CFAP47: variants seen among roughly 807,000 people sequenced by gnomAD.
CFAP47 encodes cilia- and flagella-associated protein 47.
In CFAP47, 29 loss-of-function variants were observed where a neutral mutation model predicts 148.1. The ratio of observed to expected loss-of-function variants is 0.20; its 90% CI spans 0.15 to 0.27. The LOEUF is 0.27. CFAP47 is among the 10% of genes least tolerant of loss of function. CFAP47 has a pLI of 1.00. For missense variants in CFAP47, 1,872 were observed against 1,697.5 expected, an observed-to-expected ratio of 1.10 and a Z score of -1.81; for synonymous variants, 664 against 577.3, an observed-to-expected ratio of 1.15 and a Z score of -2.15.
At chrX:36,181,337 C>A (rs1027894768) in intron 40 of CFAP47, among the ~76,000 whole-genome samples, 1 of 111,103 alleles carries the variant, frequency 9.0e-6, no homozygotes, top group African/African-American at 3.3e-5. Context: ...TCTAAAGCTG[C>A]AAGTAAGGTT....
chrX:36,364,855 T>C (rs903442324), intron 61 of CFAP47, among the ~76,000 whole-genome samples: 20 of 100,099 alleles, frequency 2.0e-4, no homozygotes, highest in Non-Finnish European at 3.7e-4. Flanking sequence ...TCAAATTTTG[T>C]AAGTGTTAAG....
Position 36,303,569 on chromosome X carries a change from A to G in CFAP47, c.7971-280A>G, listed in dbSNP as rs1941319436. Among the ~76,000 whole-genome samples the G allele has an allele frequency of 2.7e-5, 3 of 109,948 alleles. No homozygotes were observed. The South Asian group carries it at 1.2e-3, about 43-fold the overall frequency. On this transcript the variant is annotated intron_variant, in intron 53 of 63. Coordinates refer to ENST00000378653, the MANE Select transcript of CFAP47 (RefSeq NM_001304548.2). ...CTCTAATCTCTACTTCCACTGTTAT[A>G]TGGCCATCTTCTGTGTATCTTCACA...
chrX:36,015,074 A>C (rs1024186997), intron 22 of CFAP47, among the ~76,000 whole-genome samples, 162 bp downstream of exon 22: 1 of 110,943 alleles, frequency 9.0e-6, no homozygotes, highest in Non-Finnish European at 1.9e-5. Flanking sequence ...AATTGAGTCT[A>C]TGAGATTTGA....
intron 8 of CFAP47, among the ~76,000 whole-genome samples, chrX:35,959,592 A>T (rs750955451): frequency 3.9e-4 from 44 of 111,621 alleles, no homozygotes; most frequent in African/African-American, 1.4e-3. Flanking sequence ...CTGGATCATG[A>T]GGTCAGGAGT....
chrX:36,266,790 C>T (rs1312524612), intron 49 of CFAP47, among the ~76,000 whole-genome samples: 1 of 110,836 alleles, frequency 9.0e-6, no homozygotes, highest in East Asian at 2.9e-4. Context: ...AAAGACAGCC[C>T]TTTTCTCTCC....
chrX:36,182,377 T>C (rs758671370), intron 40 of CFAP47, among the ~76,000 whole-genome samples: 5 of 111,747 alleles, frequency 4.5e-5, no homozygotes, highest in Non-Finnish European at 7.5e-5. Flanking sequence ...ATTGGGGTAA[T>C]TAACCAAGTC....
intron 2 of CFAP47, among the ~76,000 whole-genome samples, chrX:35,929,761 G>A: frequency 9.0e-6 from 1 of 111,307 alleles, no homozygotes; most frequent in East Asian, 2.8e-4. Context: ...CACCTCGGGA[G>A]GCTGAGGCAG....
At chrX:36,325,481 G>T (rs1459943670) in intron 57 of CFAP47, among the ~76,000 whole-genome samples, 2 of 111,801 alleles carry the variant, frequency 1.8e-5, no homozygotes, top group Non-Finnish European at 3.8e-5. Flanking sequence ...TCACTCGAAA[G>T]TATCTTAAAC....
intron 52 of CFAP47, among the ~76,000 whole-genome samples, chrX:36,299,467 G>A (rs1941276985): frequency 9.0e-6 from 1 of 111,530 alleles, no homozygotes; most frequent in South Asian, 3.7e-4. Flanking sequence ...ATGAGGACTA[G>A]GGATTAAACT....
intron 33 of CFAP47, among the ~76,000 whole-genome samples, chrX:36,124,780 G>A (rs191951422): frequency 2.3e-3 from 252 of 111,465 alleles, no homozygotes; most frequent in Admixed American, 3.9e-3. Flanking sequence ...TTTCTTTTGT[G>A]TAGATAGTTG....
rs1240984770 is a variant in CFAP47, at chrX:36,371,920, A to ATG, written c.9185+4797_9185+4798dup. 9.2e-5 allele frequency among the ~76,000 whole-genome samples: 5 copies of ATG among 54,271 alleles called. No individual in the cohort carries two copies. The East Asian group carries it at 2.3e-3, about 25-fold the overall frequency. 47.1% of individuals were successfully genotyped at this position (54,271 alleles called of 115,157 possible). A position where few individuals can be genotyped will look rare whatever the true frequency, so the allele number is the denominator to read the frequency against. Reference sequence around the variant, plus strand: ...CACATGTGTATATATGTGTGTATATATGTGTATATACACACATGTGTATAT... The same window carrying ATG: ...CACATGTGTATATATGTGTGTATATATGTGTGTATATACACACATGTGTATAT... On this transcript the variant is annotated intron_variant, in intron 62 of 63. Transcript: ENST00000378653.
chrX:36,184,234 T>C (rs1027955017), intron 40 of CFAP47, among the ~76,000 whole-genome samples: 9 of 111,844 alleles, frequency 8.0e-5, no homozygotes, highest in Non-Finnish European at 1.5e-4. Flanking sequence ...TTTGGTATTT[T>C]CTCTTATTAT....
chrX:36,232,650 C>T lies in CFAP47; in HGVS notation c.7015-3284C>T, dbSNP rs1199038536. Among the ~76,000 whole-genome samples, 4 of 111,361 alleles carry T rather than the reference C, an allele frequency of 3.6e-5. No homozygotes were observed. In the South Asian group the frequency reaches 1.1e-3, roughly 32 times the overall value. ...TCTGATTTTAGTTATTTCTTGCCTT[C>T]TGCTAGCTTTTGAATGTGTTTGCTC... is the stretch of plus-strand genomic sequence containing the variant. On this transcript the variant is annotated intron_variant, in intron 46 of 63. Transcript: ENST00000378653.
chrX:35,924,401 A>ACACACATATGTGTATATG (rs1332902577), intron 1 of CFAP47, among the ~76,000 whole-genome samples: 1 of 101,903 alleles, frequency 9.8e-6, no homozygotes, highest in Non-Finnish European at 1.9e-5. Context: ...GTATATATGC[A>ACACACATATGTGTATATG]CACACATATG....
chrX:36,064,914 G>A (rs1201573754), intron 26 of CFAP47, among the ~76,000 whole-genome samples: 1 of 111,709 alleles, frequency 9.0e-6, no homozygotes, highest in Non-Finnish European at 1.9e-5. Context: ...GAGTATGCAG[G>A]TTATAGAAGG....
intron 62 of CFAP47, 96 bp downstream of exon 62, chrX:36,367,223 TG>T (rs1941886900): frequency 9.7e-6 from 6 of 618,530 alleles, no homozygotes; most frequent in Non-Finnish European, 1.4e-5. Flanking sequence ...CATCTTTTGC[TG>T]GTTAAGCCAG....
Position 35,924,170 on chromosome X carries a change from T to TATGCGTACATGCATGTGTATATATGG in CFAP47, c.250-1846_250-1845insTGCGTACATGCATGTGTATATATGGA, listed in dbSNP as rs1555946981. Among the ~76,000 whole-genome samples the TATGCGTACATGCATGTGTATATATGG allele has an allele frequency of 6.7e-5, 6 of 88,927 alleles. 1 individual carries two copies. Among genetic ancestry groups the TATGCGTACATGCATGTGTATATATGG allele is most frequent in the African/African-American group, 3.3e-4 (6 of 18,187 alleles). The allele number at this position is 88,927 out of a possible 115,157, so 77.2% of individuals were successfully genotyped here. A position where few individuals can be genotyped will look rare whatever the true frequency, so the allele number is the denominator to read the frequency against. On this transcript the variant is annotated intron_variant, in intron 1 of 63. Coordinates refer to ENST00000378653, the MANE Select transcript of CFAP47 (RefSeq NM_001304548.2). ...GTATGCGTACATATATGTATATATG[T>TATGCGTACATGCATGTGTATATATGG]ACATGTATGCGTACATGTATGTGTA... is the stretch of plus-strand genomic sequence containing the variant.
intron 2 of CFAP47, among the ~76,000 whole-genome samples, chrX:35,931,601 T>C (rs1935827025): frequency 8.9e-6 from 1 of 111,842 alleles, no homozygotes; most frequent in Non-Finnish European, 1.9e-5. Flanking sequence ...CTCATACTTC[T>C]GTTTCTCATT....
At chrX:36,344,230 T>TAA (rs200163584) in intron 57 of CFAP47, among the ~76,000 whole-genome samples, 8,146 of 36,377 alleles carry the variant, frequency 0.22, 416 homozygotes, top group East Asian at 0.37. Flanking sequence ...TAAAGTATAA[T>TAA]AAAAAAAAGA....
Sources: allele counts gnomAD v4.1 joint callset (sites outside exome capture counted in the v4.1 genomes callset), GRCh38; gene constraint gnomAD v4.1.1; transcripts MANE v1.5; gene names NCBI Gene and HGNC (gene_info 2026-07-23, HGNC 2026-07-21).